DOK6: variants seen among roughly 807,000 people sequenced by gnomAD.
The protein encoded by DOK6 is downstream of tyrosine kinase 6.
DOK6 carries 22 observed loss-of-function variants against 44.0 expected under a neutral mutation model. The observed-to-expected ratio is 0.50, with a 90% CI of 0.36 to 0.71. The LOEUF (loss-of-function observed/expected upper bound fraction) is 0.71, where lower values mean the gene tolerates loss of function less well. DOK6 is among the 30% of genes least tolerant of loss of function. The pLI is 0.00. For synonymous variants in DOK6, 166 were observed against 145.5 expected (o/e 1.14, Z -1.01); for missense variants, 340 against 416.4 (o/e 0.82, Z 1.60).
At chr18:69,796,820 G>A (rs1431930170) in intron 7 of DOK6, among the ~76,000 whole-genome samples, 1 of 152,194 alleles carries the variant, frequency 6.6e-6, no homozygotes, top group African/African-American at 2.4e-5. Flanking sequence ...CTTGTTTCTT[G>A]AGTAGGCTAG....
chr18:69,649,689 C>T (rs1479452930), intron 3 of DOK6, among the ~76,000 whole-genome samples: 1 of 152,030 alleles, frequency 6.6e-6, no homozygotes, highest in Non-Finnish European at 1.5e-5. Flanking sequence ...AAGGTCAATG[C>T]ATGGAAATCA....
intron 2 of DOK6, among the ~76,000 whole-genome samples, chr18:69,597,080 A>G (rs887129142): frequency 1.3e-5 from 2 of 151,984 alleles, no homozygotes; most frequent in Non-Finnish European, 2.9e-5. Flanking sequence ...ATTAATTAAA[A>G]TTATAAATAT....
chr18:69,536,211 A>G (rs973703200), intron 1 of DOK6, among the ~76,000 whole-genome samples: 14 of 152,182 alleles, frequency 9.2e-5, no homozygotes, highest in South Asian at 2.1e-4. Context: ...GTGGCAGTAA[A>G]ATCAGGTTCC....
In DOK6 at chr18:69,686,540, C is replaced by T. The variant is rs546119223; in HGVS notation, c.409+8687C>T. ...TATTCCCAAATCCCAGATGCTACTA[C>T]AATAAATATTAAATCTGAGGGGGGA... On this transcript the variant is annotated intron_variant, in intron 4 of 7. Coordinates refer to ENST00000382713, the MANE Select transcript of DOK6 (RefSeq NM_152721.6). Among the ~76,000 whole-genome samples, 4 of 152,134 alleles carry T rather than the reference C, an allele frequency of 2.6e-5. No homozygotes were observed. The East Asian group carries it at 7.7e-4, about 29-fold the overall frequency.
At chr18:69,606,317 T>C (rs1983995338) in intron 3 of DOK6, among the ~76,000 whole-genome samples, 1 of 141,300 alleles carries the variant, frequency 7.1e-6, no homozygotes, top group Non-Finnish European at 1.6e-5. Context: ...AATAAATAAA[T>C]AAATAAATAA....
At chr18:69,646,574 T>C (rs543265782) in intron 3 of DOK6, among the ~76,000 whole-genome samples, 1 of 152,334 alleles carries the variant, frequency 6.6e-6, no homozygotes, top group South Asian at 2.1e-4. Flanking sequence ...GGTTTAATCC[T>C]TGAGGATTTC....
At chr18:69,555,918 C>A (rs759756797) in intron 1 of DOK6, among the ~76,000 whole-genome samples, 2 of 152,128 alleles carry the variant, frequency 1.3e-5, no homozygotes, top group East Asian at 1.9e-4. Context: ...GTGGCCTTGT[C>A]GGTTTTTGTC....
intron 3 of DOK6, among the ~76,000 whole-genome samples, chr18:69,618,932 T>C (rs948801312): frequency 6.6e-6 from 1 of 152,142 alleles, no homozygotes; most frequent in African/African-American, 2.4e-5. Context: ...ACAGAACTTC[T>C]ATCTCCAAAA....
intron 3 of DOK6, among the ~76,000 whole-genome samples, chr18:69,619,503 C>T (rs1984390987): frequency 1.3e-5 from 2 of 152,162 alleles, no homozygotes; most frequent in Admixed American, 6.5e-5. Flanking sequence ...CACTACATGC[C>T]TCTTGGAATT....
In DOK6 at chr18:69,846,573, AG is replaced by A. The variant is rs938951801; in HGVS notation, c.*5191del. The A allele has an allele frequency of 4.6e-5, 7 of 152,328 alleles. No individual in the cohort carries two copies. The highest frequency in any genetic ancestry group is 1.7e-4 in the African/African-American group (7 of 41,570). 9.4% of individuals were successfully genotyped at this position (152,328 alleles called of 1,614,324 possible). A position where few individuals can be genotyped will look rare whatever the true frequency, so the allele number is the denominator to read the frequency against. The stretch of plus-strand genomic sequence containing the variant: ...TGGTAGGTCATGAATGGTTGGTATA[AG>A]CTTTATTTACTCATATATTGTCATC... On this transcript the variant is annotated 3_prime_UTR_variant, in exon 8 of 8. Coordinates refer to ENST00000382713, the MANE Select transcript of DOK6 (RefSeq NM_152721.6).
intron 3 of DOK6, among the ~76,000 whole-genome samples, chr18:69,644,628 C>T (rs1020398803): frequency 1.3e-4 from 19 of 151,838 alleles, no homozygotes; most frequent in South Asian, 6.3e-4. Context: ...TGTGCCCTGC[C>T]GAGACCACAC....
chr18:69,801,209 CA>C (rs961055580), intron 7 of DOK6, among the ~76,000 whole-genome samples: 7 of 151,980 alleles, frequency 4.6e-5, no homozygotes, highest in African/African-American at 1.7e-4. Context: ...GCATTTTCCC[CA>C]ATCATGAATG....
intron 7 of DOK6, among the ~76,000 whole-genome samples, chr18:69,821,714 T>A (rs1164738468): frequency 6.6e-6 from 1 of 152,046 alleles, no homozygotes; most frequent in East Asian, 1.9e-4. Flanking sequence ...GGTCCTAAAA[T>A]AATTTTTCCC....
intron 4 of DOK6, among the ~76,000 whole-genome samples, chr18:69,688,428 C>A (rs894408858): frequency 1.3e-5 from 2 of 152,136 alleles, no homozygotes; most frequent in Admixed American, 1.3e-4. Flanking sequence ...CTAATTATAG[C>A]ACTTATTATA....
At position 69,814,806 on chromosome 18, in the gene DOK6, G is replaced by A. The variant is rs896859494; in HGVS notation, c.857-26438G>A. 3.3e-5 allele frequency among the ~76,000 whole-genome samples: 5 copies of A among 151,992 alleles called. No homozygotes were observed. In the South Asian group the frequency reaches 6.2e-4, roughly 19 times the overall value. ...AGGGGAAAGTCCACCCCCATGGTTCGGGCACTTTCCACCAGGACCCTCCCC... is the reference window on the plus strand; with the variant it reads ...AGGGGAAAGTCCACCCCCATGGTTCAGGCACTTTCCACCAGGACCCTCCCC... On this transcript the variant is annotated intron_variant, in intron 7 of 7. Transcript: ENST00000382713.
chr18:69,481,800 T>C (rs534312446), intron 1 of DOK6, among the ~76,000 whole-genome samples: 5 of 152,332 alleles, frequency 3.3e-5, no homozygotes, highest in African/African-American at 9.6e-5. Flanking sequence ...ATCGCCACAC[T>C]GTCTTCCACA....
At chr18:69,672,930 A>C (rs1336759255) in intron 3 of DOK6, among the ~76,000 whole-genome samples, 1 of 150,964 alleles carries the variant, frequency 6.6e-6, no homozygotes, top group East Asian at 1.9e-4. Flanking sequence ...GCATGTATTT[A>C]AGACGTTAAT....
At chr18:69,401,478 CG>C (rs1428434948) in intron 1 of DOK6, among the ~76,000 whole-genome samples, 168 bp downstream of exon 1, 1 of 151,900 alleles carries the variant, frequency 6.6e-6, no homozygotes, top group Non-Finnish European at 1.5e-5. Context: ...CCACACCTGC[CG>C]GGGGGCTCCG....
chr18:69,607,195 A>T (rs1231803647), intron 3 of DOK6, among the ~76,000 whole-genome samples: 1 of 152,228 alleles, frequency 6.6e-6, no homozygotes, highest in Non-Finnish European at 1.5e-5. Context: ...CAAACAAGCC[A>T]ACCCCCTTAC....
Sources: allele counts gnomAD v4.1 joint callset (sites outside exome capture counted in the v4.1 genomes callset), GRCh38; gene constraint gnomAD v4.1.1; transcripts MANE v1.5; gene names NCBI Gene and HGNC (gene_info 2026-07-23, HGNC 2026-07-21).